Variants in PKP4 observed in about 807,000 individuals in gnomAD.
PKP4 encodes the protein plakophilin 4.
A neutral mutation model predicts 145.1 loss-of-function variants in PKP4; 90 were observed. That is an observed-to-expected ratio of 0.62 (90% CI 0.52 to 0.74). The LOEUF (loss-of-function observed/expected upper bound fraction) is 0.74, where lower values mean the gene tolerates loss of function less well. PKP4 is among the 30% of genes least tolerant of loss of function. The probability of loss-of-function intolerance (pLI) is 0.00; values close to 1 mark genes in which losing one functional copy is unlikely to be tolerated. For missense variants in PKP4, 1,340 were observed against 1,482.7 expected, an observed-to-expected ratio of 0.90 and a Z score of 1.58; for synonymous variants, 563 against 577.2, an observed-to-expected ratio of 0.98 and a Z score of 0.35.
At chr2:158,501,765 A>G (rs1350786860) in intron 1 of PKP4, among the ~76,000 whole-genome samples, 2 of 134,184 alleles carry the variant, frequency 1.5e-5, no homozygotes, top group African/African-American at 5.1e-5. Flanking sequence ...TTGTGTGCCT[A>G]TTTTGATTCA....
At chr2:158,642,912 A>G (rs2105934814) in intron 11 of PKP4, among the ~76,000 whole-genome samples, 1 of 152,324 alleles carries the variant, frequency 6.6e-6, no homozygotes, top group African/African-American at 2.4e-5. Context: ...AAGTTATTGT[A>G]CTTATTAATT....
chr2:158,617,904 C>T (rs1283537591), intron 4 of PKP4, among the ~76,000 whole-genome samples: 1 of 152,192 alleles, frequency 6.6e-6, no homozygotes, highest in Non-Finnish European at 1.5e-5. Flanking sequence ...ACTGAATGGC[C>T]GAGCACAATG....
At chr2:158,543,194 A>G (rs1042401148) in intron 2 of PKP4, among the ~76,000 whole-genome samples, 3 of 152,218 alleles carry the variant, frequency 2.0e-5, no homozygotes, top group African/African-American at 7.2e-5. Context: ...TGCAAAATAT[A>G]CGTACAAATC....
intron 17 of PKP4, among the ~76,000 whole-genome samples, chr2:158,670,346 TAGA>T (rs989787664): frequency 3.9e-5 from 6 of 152,124 alleles, no homozygotes; most frequent in African/African-American, 1.4e-4. Flanking sequence ...CCTTGCACGG[TAGA>T]AGGAGGGAGA....
At chr2:158,517,124 GTTAACAC>G (rs1259943950) in intron 1 of PKP4, among the ~76,000 whole-genome samples, 9 of 151,906 alleles carry the variant, frequency 5.9e-5, no homozygotes, top group Admixed American at 3.3e-4. Context: ...TTTAATCTTT[GTTAACAC>G]TAGCATTTGA....
chr2:158,576,546 A>G (rs1574573062), intron 2 of PKP4, among the ~76,000 whole-genome samples: 1 of 152,234 alleles, frequency 6.6e-6, no homozygotes, highest in East Asian at 1.9e-4. Context: ...AAATAAAGTT[A>G]AAACATTCTC....
At chr2:158,560,244 G>A (rs1393890121) in intron 2 of PKP4, among the ~76,000 whole-genome samples, 2 of 152,126 alleles carry the variant, frequency 1.3e-5, no homozygotes, top group Non-Finnish European at 2.9e-5. Flanking sequence ...TTGTAAGAGT[G>A]CCTAATTTGT....
intron 1 of PKP4, among the ~76,000 whole-genome samples, chr2:158,488,590 A>G (rs544404286): frequency 2.0e-5 from 3 of 152,278 alleles, no homozygotes; most frequent in East Asian, 1.9e-4. Context: ...TCCTTTCACC[A>G]GTAGGTTTAT....
At chr2:158,663,591 G>GA (rs1400621489) in intron 15 of PKP4, 146 bp downstream of exon 15, 1 of 646,850 alleles carries the variant, frequency 1.5e-6, no homozygotes, top group South Asian at 2.0e-5. Context: ...GGGTTAAAGG[G>GA]AAAAAAGGGA....
At chr2:158,648,970 C>T (rs976145866) in intron 11 of PKP4, among the ~76,000 whole-genome samples, 9 of 152,202 alleles carry the variant, frequency 5.9e-5, no homozygotes, top group African/African-American at 1.9e-4. Flanking sequence ...TGCACTCCAG[C>T]CTGGGCGACA....
chr2:158,629,826 C>T (rs2053180448), intron 7 of PKP4, among the ~76,000 whole-genome samples: 1 of 152,120 alleles, frequency 6.6e-6, no homozygotes. Context: ...TTCTGTGCCT[C>T]AGCCTCCCAG....
chr2:158,471,162 A>G (rs1691508088), intron 1 of PKP4, among the ~76,000 whole-genome samples: 1 of 152,196 alleles, frequency 6.6e-6, no homozygotes, highest in African/African-American at 2.4e-5. Context: ...GTTTTGGTTG[A>G]AAAAGTTTTA....
At chr2:158,467,887 T>C (rs1416734326) in intron 1 of PKP4, among the ~76,000 whole-genome samples, 1 of 152,088 alleles carries the variant, frequency 6.6e-6, no homozygotes, top group African/African-American at 2.4e-5. Context: ...TATAAATAGA[T>C]TTATAAAGTA....
At chr2:158,669,154 C>CT (rs1330969357) in intron 16 of PKP4, 2 of 152,160 alleles carry the variant, frequency 1.3e-5, no homozygotes, top group Non-Finnish European at 2.9e-5. Flanking sequence ...TTTAAAGAAA[C>CT]TAACATGTTG....
At chr2:158,613,920 G>A (rs2051355532) in intron 4 of PKP4, among the ~76,000 whole-genome samples, 1 of 152,146 alleles carries the variant, frequency 6.6e-6, no homozygotes, top group Non-Finnish European at 1.5e-5. Context: ...GTGTATTGCT[G>A]CAGTTTCCTC....
intron 11 of PKP4, among the ~76,000 whole-genome samples, chr2:158,650,381 A>G (rs910739571): frequency 7.9e-5 from 12 of 152,254 alleles, no homozygotes; most frequent in African/African-American, 2.9e-4. Flanking sequence ...TACCTAGAAT[A>G]AAGAAGAATA....
Position 158,642,693 on chromosome 2 carries a change from G to C in PKP4, c.1903G>C (p.Val635Leu), listed in dbSNP as rs777885346. Reference sequence around the variant, plus strand: ...TATTGATGCAGAAGTAAGGGAGCTTGTTACAGGTAGGTATAGAATGTGATC... The same window carrying C: ...TATTGATGCAGAAGTAAGGGAGCTTCTTACAGGTAGGTATAGAATGTGATC... ...KSIDAEVRELVTGVLWNLSSC... is the reference protein window; with the variant it reads ...KSIDAEVRELLTGVLWNLSSC... The change falls in exon 11 of 22, where the codon GTT (valine) becomes CTT (leucine). Residue 635 changes from valine (V) to leucine (L), a missense_variant. Val to Leu is a conservative substitution (Grantham distance 32). Coordinates refer to ENST00000389759, the MANE Select transcript of PKP4 (RefSeq NM_003628.6). 1 of 1,597,584 alleles carries C rather than the reference G, an allele frequency of 6.3e-7. No homozygotes were observed. The highest frequency in any genetic ancestry group is 1.1e-5 in the South Asian group (1 of 88,528).
intron 13 of PKP4, 48 bp downstream of exon 13, chr2:158,661,498 A>G: frequency 8.5e-7 from 1 of 1,178,480 alleles, no homozygotes; most frequent in Non-Finnish European, 1.3e-6. Context: ...GGTGACCATG[A>G]TGCCTGGTGC....
chr2:158,527,315 C>T (rs200683115), intron 1 of PKP4, among the ~76,000 whole-genome samples: 95,552 of 141,598 alleles, frequency 0.67, 32,513 homozygotes, highest in South Asian at 0.83. Context: ...AGAACAGAGC[C>T]CTCAGAAATA....
Sources: allele counts gnomAD v4.1 joint callset (sites outside exome capture counted in the v4.1 genomes callset), GRCh38; gene constraint gnomAD v4.1.1; transcripts MANE v1.5; gene names NCBI Gene and HGNC (gene_info 2026-07-23, HGNC 2026-07-21).